Variants in GRM7 observed in about 807,000 individuals in gnomAD.
The protein encoded by GRM7 is metabotropic glutamate receptor 7.
Under a neutral mutation model 84.5 loss-of-function variants are expected in GRM7, and 35 were observed. The ratio of observed to expected loss-of-function variants is 0.41; its 90% confidence interval spans 0.32 to 0.55. GRM7 has a LOEUF of 0.55. GRM7 is among the 20% of genes least tolerant of loss of function. The probability of loss-of-function intolerance (pLI) is 0.19; values close to 1 mark genes in which losing one functional copy is unlikely to be tolerated. For synonymous variants in GRM7, 487 were observed against 455.1 expected, an observed-to-expected ratio of 1.07 and a Z score of -0.89; for missense variants, 1,003 against 1,194.6, an observed-to-expected ratio of 0.84 and a Z score of 2.36.
intron 9 of GRM7, among the ~76,000 whole-genome samples, chr3:7,699,762 C>T (rs1701158521): frequency 6.6e-6 from 1 of 152,024 alleles, no homozygotes; most frequent in Non-Finnish European, 1.5e-5. Context: ...AGCTTCTAAC[C>T]AACTTTATAG....
chr3:6,907,563 A>G (rs1196632216), intron 1 of GRM7, among the ~76,000 whole-genome samples: 1 of 152,204 alleles, frequency 6.6e-6, no homozygotes, highest in African/African-American at 2.4e-5. Context: ...CCTGAAAATC[A>G]TAAATCATGA....
At chr3:7,078,396 ATGC>A (rs1258818723) in intron 1 of GRM7, among the ~76,000 whole-genome samples, 1 of 152,154 alleles carries the variant, frequency 6.6e-6, no homozygotes, top group South Asian at 2.1e-4. Context: ...ACGGGGACAG[ATGC>A]TGCTGCTGCT....
intron 2 of GRM7, among the ~76,000 whole-genome samples, chr3:7,288,608 A>T (rs1383822585): frequency 6.6e-6 from 1 of 152,118 alleles, no homozygotes; most frequent in Non-Finnish European, 1.5e-5. Context: ...GTGTTCAAAT[A>T]AGAATGGAGG....
At chr3:7,047,952 G>A (rs10510345) in intron 1 of GRM7, among the ~76,000 whole-genome samples, 23,942 of 151,890 alleles carry the variant, frequency 0.16, 2,248 homozygotes, top group Non-Finnish European at 0.21. Context: ...CGGTTTAGCT[G>A]CACTTTCGTA....
At chr3:7,414,605 T>G (rs780125159) in intron 4 of GRM7, among the ~76,000 whole-genome samples, 2 of 152,302 alleles carry the variant, frequency 1.3e-5, no homozygotes, top group Admixed American at 6.5e-5. Flanking sequence ...CTACAACCTC[T>G]TCAAAAACTT....
intron 8 of GRM7, among the ~76,000 whole-genome samples, chr3:7,666,644 T>C (rs1978847): frequency 0.54 from 81,769 of 151,996 alleles, 22,880 homozygotes; most frequent in African/African-American, 0.68. Context: ...CCACTGGTCT[T>C]TGTGCTTTAG....
chr3:7,040,633 ACTC>A (rs1004606176), intron 1 of GRM7, among the ~76,000 whole-genome samples: 2 of 151,128 alleles, frequency 1.3e-5, no homozygotes, highest in Admixed American at 6.6e-5. Flanking sequence ...TGTATTGCCT[ACTC>A]CTATTGTCTA....
rs1337942490 is a variant in GRM7 at position 7,128,508 on chromosome 3, G to GTTTTT, written c.520-17931_520-17927dup. On this transcript the variant is annotated intron_variant, in intron 1 of 9. Transcript: ENST00000357716. The stretch of plus-strand genomic sequence containing the variant: ...AAAATTTTAAAAATCAGACTTCCTT[G>GTTTTT]TTTTTTTTTTTTTTTTTGAGATGGA... 9.3e-5 allele frequency among the ~76,000 whole-genome samples: 7 copies of GTTTTT among 74,944 alleles called. 1 individual carries two copies. Among genetic ancestry groups the GTTTTT allele is most frequent in the African/African-American group, 4.0e-4 (7 of 17,332 alleles). The allele number at this position is 74,944 out of a possible 152,430, so 49.2% of individuals were successfully genotyped here.
intron 1 of GRM7, among the ~76,000 whole-genome samples, chr3:6,886,965 G>C (rs1695719814): frequency 6.6e-6 from 1 of 151,862 alleles, no homozygotes. Context: ...ACTCAGGTCA[G>C]AATTACTCCA....
chr3:7,149,783 T>C (rs1022299426), intron 2 of GRM7, among the ~76,000 whole-genome samples: 3 of 152,198 alleles, frequency 2.0e-5, no homozygotes, highest in African/African-American at 7.2e-5. Flanking sequence ...ATTGGTAGAA[T>C]GTATAAGATG....
At chr3:6,993,651 T>G (rs987201864) in intron 1 of GRM7, among the ~76,000 whole-genome samples, 5 of 152,182 alleles carry the variant, frequency 3.3e-5, no homozygotes, top group African/African-American at 1.2e-4. Flanking sequence ...TGGTAGAGAC[T>G]CTATTCAGAG....
intron 1 of GRM7, among the ~76,000 whole-genome samples, chr3:7,000,191 A>G (rs1694959923): frequency 1.3e-5 from 1 of 75,798 alleles, no homozygotes; most frequent in Non-Finnish European, 2.6e-5. Context: ...TTTTTTTTTT[A>G]GACAGAATTC....
intron 4 of GRM7, among the ~76,000 whole-genome samples, chr3:7,374,044 A>G (rs1407432563): frequency 6.6e-6 from 1 of 151,966 alleles, no homozygotes; most frequent in East Asian, 1.9e-4. Flanking sequence ...TGGAAATCCA[A>G]CCTCTCCCAT....
intron 8 of GRM7, among the ~76,000 whole-genome samples, chr3:7,590,487 A>G (rs1436665564): frequency 6.6e-6 from 1 of 152,210 alleles, no homozygotes; most frequent in Non-Finnish European, 1.5e-5. Flanking sequence ...AAAGCTAAAA[A>G]TATTTATAAA....
intron 7 of GRM7, among the ~76,000 whole-genome samples, chr3:7,470,109 C>T (rs529239921): frequency 9.2e-5 from 14 of 152,302 alleles, no homozygotes; most frequent in Middle Eastern, 3.4e-3. Context: ...CCCCCTCCTC[C>T]TACCACTCTC....
At chr3:6,995,743 A>G (rs1382387351) in intron 1 of GRM7, among the ~76,000 whole-genome samples, 1 of 152,188 alleles carries the variant, frequency 6.6e-6, no homozygotes, top group Non-Finnish European at 1.5e-5. Context: ...CACAGAAAAA[A>G]AGAAAAGAAA....
At chr3:7,453,838 C>T (rs1055267295) in intron 6 of GRM7, among the ~76,000 whole-genome samples, 2 of 152,082 alleles carry the variant, frequency 1.3e-5, no homozygotes, top group African/African-American at 2.4e-5. Flanking sequence ...CCTGTCTGTC[C>T]AGATCCTTCT....
At chr3:7,710,689 C>T (rs1701550424) in intron 9 of GRM7, among the ~76,000 whole-genome samples, 1 of 152,160 alleles carries the variant, frequency 6.6e-6, no homozygotes, top group South Asian at 2.1e-4. Context: ...ACTTCACAAG[C>T]CAGAAGATGC....
intron 6 of GRM7, among the ~76,000 whole-genome samples, chr3:7,460,629 C>T (rs988030886): frequency 6.6e-6 from 1 of 152,070 alleles, no homozygotes; most frequent in Non-Finnish European, 1.5e-5. Flanking sequence ...ATCATGTGGC[C>T]AGTGGTATTT....
Sources: gnomAD v4.1 joint callset for allele counts (sites outside exome capture counted in the v4.1 genomes callset) on GRCh38, gnomAD v4.1.1 for gene constraint, MANE v1.5 for transcripts, NCBI Gene and HGNC (gene_info 2026-07-23, HGNC 2026-07-21) for gene names.